The following ZNF320 variants were observed in gnomAD, a reference collection of about 807,000 sequenced individuals.
The protein encoded by ZNF320 is zinc finger protein 320, also known as zinc finger gene 320.
Under a neutral mutation model 6.8 loss-of-function variants are expected in ZNF320, and 2 were observed. The ratio of observed to expected loss-of-function variants is 0.29; its 90% CI spans 0.12 to 0.93. The LOEUF (loss-of-function observed/expected upper bound fraction) is 0.93, where lower values mean the gene tolerates loss of function less well. Among genes scored for constraint, ZNF320 ranks in the 40% least tolerant of loss-of-function variants. The pLI is 0.55. For synonymous variants in ZNF320, 208 were observed against 203.2 expected, an observed-to-expected ratio of 1.02 and a Z score of -0.20; for missense variants, 472 against 611.0, an observed-to-expected ratio of 0.77 and a Z score of 2.40.
chr19:52,862,434 T>C (rs1568690223), exon 6 of ZNF320: 1 of 425,342 alleles, frequency 2.4e-6, no homozygotes, highest in Non-Finnish European at 4.8e-6. Context: ...TTTTCTCCAG[T>C]ATGAGTTCAC....
At chr19:52,901,560 C>G (rs1017099831), upstream of ZNF320, among the ~76,000 whole-genome samples, 5 of 152,092 alleles carry the variant, frequency 3.3e-5, no homozygotes, top group East Asian at 9.6e-4. Flanking sequence ...TAAACTGAGT[C>G]CAGCACCTCT....
chr19:52,872,091 G>A (rs2063690407), downstream of ZNF320, among the ~76,000 whole-genome samples: 1 of 152,160 alleles, frequency 6.6e-6, no homozygotes, highest in Non-Finnish European at 1.5e-5. Flanking sequence ...AGAGGCTAAT[G>A]TGGGTATCAC....
At position 52,881,761 on chromosome 19, in the gene ZNF320, C is replaced by T. The variant is rs190693440; in HGVS notation, c.365G>A (p.Ser122Asn). ...ATGCCTTTGATCATATCGGTCTGTA[C>T]TACTAGTCAACTTTTTTATTTCTGT... Reference protein sequence around the residue: ...PMTEIKKLTSSTDRYDQRHAG... With the variant: ...PMTEIKKLTSNTDRYDQRHAG... Residue 122 changes from serine to asparagine, a missense_variant, in exon 6 of 6, where the codon AGT (serine) becomes AAT (asparagine). This residue lies in a region of ZNF320 where 462 missense variants were observed against 559.7 expected (regional missense o/e 0.83). Transcript: ENST00000682928. The T allele has an allele frequency of 1.9e-6, 3 of 1,613,812 alleles. No individual in the cohort carries two copies. Among genetic ancestry groups the T allele is most frequent in the African/African-American group, 2.7e-5 (2 of 74,922 alleles).
chr19:52,896,458 C>T (rs2064475812), intron 1 of ZNF320, among the ~76,000 whole-genome samples: 1 of 151,928 alleles, frequency 6.6e-6, no homozygotes, highest in South Asian at 2.1e-4. Context: ...CCTGTAATTC[C>T]AGCATTTTGG....
At chr19:52,862,881 C>T in exon 6 of ZNF320, 1 of 304,942 alleles carries the variant, frequency 3.3e-6, no homozygotes, top group Middle Eastern at 6.6e-4. Context: ...AAAATTACAA[C>T]AAATTAGCTG....
At chr19:52,873,107 T>C (rs551442568), downstream of ZNF320, among the ~76,000 whole-genome samples, 2 of 152,306 alleles carry the variant, frequency 1.3e-5, no homozygotes, top group South Asian at 2.1e-4. Context: ...CACCGAGACA[T>C]TCCATTCCCA....
At chr19:52,863,130 T>A (rs1282867503) in exon 6 of ZNF320, among the ~76,000 whole-genome samples, 2 of 152,146 alleles carry the variant, frequency 1.3e-5, no homozygotes, top group Non-Finnish European at 2.9e-5. Flanking sequence ...TGGCTAAGTT[T>A]TGTATTTTTA....
At chr19:52,897,331 C>A (rs1649316529) in intron 1 of ZNF320, among the ~76,000 whole-genome samples, 189 bp downstream of exon 1, 1 of 152,148 alleles carries the variant, frequency 6.6e-6, no homozygotes, top group African/African-American at 2.4e-5. Context: ...CGGTGGGAGG[C>A]GCCTAGGGCT....
At chr19:52,865,470 T>TATGTAA (rs1414636050) in intron 5 of ZNF320, 7 of 40,350 alleles carry the variant, frequency 1.7e-4, no homozygotes, top group African/African-American at 7.4e-4. Flanking sequence ...TATATATATA[T>TATGTAA]TACATATATA....
At chr19:52,896,540 C>T (rs989840126) in intron 1 of ZNF320, among the ~76,000 whole-genome samples, 20 of 152,156 alleles carry the variant, frequency 1.3e-4, no homozygotes, top group African/African-American at 4.8e-4. Flanking sequence ...AAAAGCCCGT[C>T]TCTACCAAGT....
At chr19:52,897,322 G>A (rs1417199549) in intron 1 of ZNF320, among the ~76,000 whole-genome samples, 198 bp downstream of exon 1, 4 of 152,222 alleles carry the variant, frequency 2.6e-5, no homozygotes, top group Admixed American at 6.5e-5. Context: ...CGAGAGCGAC[G>A]GTGGGAGGCG....
intron 1 of ZNF320, among the ~76,000 whole-genome samples, chr19:52,896,164 C>G (rs1433185924): frequency 6.6e-6 from 1 of 152,098 alleles, no homozygotes; most frequent in East Asian, 1.9e-4. Flanking sequence ...ATGATCTCAG[C>G]TCACTGCAAC....
At chr19:52,889,152 C>T (rs1035800677) in intron 4 of ZNF320, among the ~76,000 whole-genome samples, 1 of 151,742 alleles carries the variant, frequency 6.6e-6, no homozygotes, top group Non-Finnish European at 1.5e-5. Context: ...CCATTGCACT[C>T]CAGCCTGGTG....
Position 52,880,509 on chromosome 19 carries a change from T to C in ZNF320, c.*87A>G. Reference sequence around the variant, plus strand: ...AGACACCACGCCTGGCCCAATCCTCTTAACATAAACAGTTTAATGTCGATT... The same window carrying C: ...AGACACCACGCCTGGCCCAATCCTCCTAACATAAACAGTTTAATGTCGATT... On this transcript the variant is annotated 3_prime_UTR_variant, in exon 6 of 6. Coordinates refer to ENST00000682928, the MANE Select transcript of ZNF320 (RefSeq NM_001351774.2). 1 of 1,384,708 alleles carries C rather than the reference T, an allele frequency of 7.2e-7. No individual in the cohort carries two copies. The highest frequency in any genetic ancestry group is 9.9e-7 in the Non-Finnish European group (1 of 1,011,972). 85.8% of individuals were successfully genotyped at this position (1,384,708 alleles called of 1,614,324 possible).
rs192701431 is a variant in ZNF320 at position 52,890,297 on chromosome 19, C to T, written c.-42G>A. On this transcript the variant is annotated 5_prime_UTR_variant, in exon 4 of 6. Coordinates refer to ENST00000682928, the MANE Select transcript of ZNF320 (RefSeq NM_001351774.2). Reference sequence around the variant, plus strand: ...TTCCTCTTCCTCTTCTGGGTTTCTTCCTCAGGTACCAAGAGTCTTTAGAAG... The same window carrying T: ...TTCCTCTTCCTCTTCTGGGTTTCTTTCTCAGGTACCAAGAGTCTTTAGAAG... The T allele has an allele frequency of 4.8e-3, 7,732 of 1,601,676 alleles. 19 individuals are homozygous for T. Among genetic ancestry groups the T allele is most frequent in the Admixed American group, 5.7e-3 (338 of 58,990 alleles).
exon 6 of ZNF320, chr19:52,864,124 G>T: frequency 3.1e-6 from 1 of 325,084 alleles, no homozygotes; most frequent in South Asian, 3.1e-5. Context: ...CCAGCAAAGA[G>T]AACTCTATAG....
exon 6 of ZNF320, among the ~76,000 whole-genome samples, chr19:52,861,398 G>A (rs1173321489): frequency 6.6e-6 from 1 of 152,104 alleles, no homozygotes; most frequent in Non-Finnish European, 1.5e-5. Context: ...TGATGGATTG[G>A]AAAAATTAAT....
At chr19:52,874,202 T>C (rs777899555), downstream of ZNF320, 11 of 189,914 alleles carry the variant, frequency 5.8e-5, no homozygotes, top group Non-Finnish European at 1.1e-4. Flanking sequence ...CCAGAGATTA[T>C]GCGGAGATAA....
chr19:52,898,607 A>G (rs1284316241), upstream of ZNF320, among the ~76,000 whole-genome samples: 1 of 152,240 alleles, frequency 6.6e-6, no homozygotes, highest in East Asian at 1.9e-4. Context: ...AGCGTCAGCA[A>G]TCTACTGCCT....
Sources: gnomAD v4.1 joint callset for allele counts (sites outside exome capture counted in the v4.1 genomes callset) on GRCh38, gnomAD v4.1.1 for gene constraint, gnomAD v4.1.1 regional missense constraint, MANE v1.5 for transcripts, NCBI Gene and HGNC (gene_info 2026-07-23, HGNC 2026-07-21) for gene names.